Variants in TRAPPC3 observed in about 807,000 individuals in gnomAD.
The protein encoded by TRAPPC3 is trafficking protein particle complex subunit 3, also known as trafficking protein particle complex 3.
A neutral mutation model predicts 18.2 loss-of-function variants in TRAPPC3; 5 were observed. That is an observed-to-expected ratio of 0.28 (90% confidence interval 0.14 to 0.58). TRAPPC3 has a LOEUF of 0.58. Among genes scored for constraint, TRAPPC3 ranks in the 20% least tolerant of loss-of-function variants. The pLI, the probability that TRAPPC3 is intolerant of heterozygous loss-of-function variation, is 0.91. For missense variants in TRAPPC3, 176 were observed against 225.9 expected (o/e 0.78, Z 1.41); for synonymous variants, 65 against 84.2 (o/e 0.77, Z 1.25).
chr1:36,153,003 C>T (rs1338429754), upstream of TRAPPC3, among the ~76,000 whole-genome samples: 1 of 152,164 alleles, frequency 6.6e-6, no homozygotes, highest in Non-Finnish European at 1.5e-5. Context: ...CAGCCCCAGC[C>T]CAACCTTGCG....
chr1:36,149,432 T>G lies in TRAPPC3; in HGVS notation c.-54A>C, dbSNP rs1262395275. On this transcript the variant is annotated 5_prime_UTR_variant, in exon 1 of 5. Coordinates refer to ENST00000373166, the MANE Select transcript of TRAPPC3 (RefSeq NM_014408.5). ...AGCCACGGGTTAGCTCGGCGACCCCTGCAGACGCCGGAGCCTAAGCCGCTG... is the reference window on the plus strand; with the variant it reads ...AGCCACGGGTTAGCTCGGCGACCCCGGCAGACGCCGGAGCCTAAGCCGCTG... 1.2e-6 allele frequency: 2 copies of G among 1,601,830 alleles called. No individual in the cohort carries two copies. Among genetic ancestry groups the G allele is most frequent in the Non-Finnish European group, 1.7e-6 (2 of 1,174,452 alleles).
Position 36,137,173 on chromosome 1 carries a change from C to A in TRAPPC3, c.*30G>T, listed in dbSNP as rs1478881078. On this transcript the variant is annotated 3_prime_UTR_variant, in exon 5 of 5. Coordinates refer to ENST00000373166, the MANE Select transcript of TRAPPC3 (RefSeq NM_014408.5). ...AGGCCTGCTGATTCCAACAGTGCTC[C>A]TGATGGCTATCCTCGAGTTGTAGGG... is the stretch of plus-strand genomic sequence containing the variant. 6.3e-7 allele frequency: 1 copy of A among 1,594,612 alleles called. No individual in the cohort carries two copies. The highest frequency in any genetic ancestry group is 8.6e-7 in the Non-Finnish European group (1 of 1,163,870).
At chr1:36,138,357 C>A in intron 3 of TRAPPC3, 1 of 1,149,464 alleles carries the variant, frequency 8.7e-7, no homozygotes, top group Non-Finnish European at 1.2e-6. Flanking sequence ...CTTCTCTGTC[C>A]TCTGTCTGTG....
intron 1 of TRAPPC3, among the ~76,000 whole-genome samples, chr1:36,143,176 G>A (rs1019472987): frequency 1.3e-5 from 2 of 151,828 alleles, no homozygotes; most frequent in African/African-American, 4.8e-5. Flanking sequence ...TGAAATACAT[G>A]ATTTGCCAGA....
At chr1:36,144,374 G>GTGGCTCA (rs1644163068) in intron 1 of TRAPPC3, among the ~76,000 whole-genome samples, 1 of 151,636 alleles carries the variant, frequency 6.6e-6, no homozygotes, top group Non-Finnish European at 1.5e-5. Flanking sequence ...GCTGGGCATG[G>GTGGCTCA]TGGCTCATGC....
chr1:36,146,053 C>A (rs896952371), intron 1 of TRAPPC3, among the ~76,000 whole-genome samples: 34 of 152,090 alleles, frequency 2.2e-4, no homozygotes, highest in Admixed American at 6.5e-5. Flanking sequence ...GCTGGGATTA[C>A]AGGCGTGAGC....
intron 3 of TRAPPC3, among the ~76,000 whole-genome samples, chr1:36,138,755 G>A (rs1644062434): frequency 6.6e-6 from 1 of 152,104 alleles, no homozygotes; most frequent in African/African-American, 2.4e-5. Context: ...CTGGTGCCGG[G>A]CACAGTGGCT....
rs1175994209 is a variant in TRAPPC3 at position 36,137,998 on chromosome 1, A to G, written c.241-20T>C. 6.2e-7 allele frequency: 1 copy of G among 1,612,516 alleles called. No individual in the cohort carries two copies. The highest frequency in any genetic ancestry group is 1.7e-5 in the Admixed American group (1 of 59,954). On this transcript the variant is annotated intron_variant, in intron 3 of 4. Transcript: ENST00000373166. ...CGCCACCTGTCAGGGGACACACAAC[A>G]GCACTTTGGGGAAGAGCAGCAGGAA... is the stretch of plus-strand genomic sequence containing the variant.
Position 36,137,166 on chromosome 1 carries a change from A to T in TRAPPC3, c.*37T>A, listed in dbSNP as rs756527427. The T allele has an allele frequency of 6.3e-7, 1 of 1,589,874 alleles. No homozygotes were observed. Among genetic ancestry groups the T allele is most frequent in the Non-Finnish European group, 8.6e-7 (1 of 1,160,112 alleles). On this transcript the variant is annotated 3_prime_UTR_variant, in exon 5 of 5. Coordinates refer to ENST00000373166, the MANE Select transcript of TRAPPC3 (RefSeq NM_014408.5). ...AGCACAGAGGCCTGCTGATTCCAACAGTGCTCCTGATGGCTATCCTCGAGT... is the reference window on the plus strand; with the variant it reads ...AGCACAGAGGCCTGCTGATTCCAACTGTGCTCCTGATGGCTATCCTCGAGT...
intron 1 of TRAPPC3, among the ~76,000 whole-genome samples, chr1:36,146,592 TAAAAAAAAAAA>T (rs58611478): frequency 2.4e-5 from 2 of 82,986 alleles, no homozygotes; most frequent in South Asian, 9.0e-4. Context: ...CCTACTTCAT[TAAAAAAAAAAA>T]AAAAAAAAAA....
In TRAPPC3 at chr1:36,141,958, C is replaced by CAAAAAAA. The variant is rs71053907; in HGVS notation, c.43-1799_43-1793dup. On this transcript the variant is annotated intron_variant, in intron 1 of 4. Transcript: ENST00000373166. Reference sequence around the variant, plus strand: ...GGGCAACAGAGCAAGATTCCGTCTCCAAAAAAAAAAAAAAAAAAAAAAAAA... The same window carrying CAAAAAAA: ...GGGCAACAGAGCAAGATTCCGTCTCCAAAAAAAAAAAAAAAAAAAAAAAAAAAAAAAA... Among the ~76,000 whole-genome samples the CAAAAAAA allele has an allele frequency of 1.1e-4, 7 of 64,134 alleles. 1 individual carries two copies. The highest frequency in any genetic ancestry group is 1.7e-4 in the Non-Finnish European group (6 of 34,642). The allele number at this position is 64,134 out of a possible 152,430, so 42.1% of individuals were successfully genotyped here.
intron 1 of TRAPPC3, among the ~76,000 whole-genome samples, chr1:36,146,182 G>A (rs185421935): frequency 8.8e-5 from 13 of 147,680 alleles, no homozygotes; most frequent in African/African-American, 3.3e-4. Context: ...GGGTTCAAGC[G>A]ATTCTCCTGC....
In TRAPPC3 at chr1:36,137,992, C is replaced by T. The variant is rs1250138075; in HGVS notation, c.241-14G>A. ...CTTGAACGCCACCTGTCAGGGGACACACAACAGCACTTTGGGGAAGAGCAG... is the reference window on the plus strand; with the variant it reads ...CTTGAACGCCACCTGTCAGGGGACATACAACAGCACTTTGGGGAAGAGCAG... On this transcript the variant is annotated splice_polypyrimidine_tract_variant and intron_variant, in intron 3 of 4. Coordinates refer to ENST00000373166, the MANE Select transcript of TRAPPC3 (RefSeq NM_014408.5). 1.9e-6 allele frequency: 3 copies of T among 1,612,416 alleles called. No individual in the cohort carries two copies. The highest frequency in any genetic ancestry group is 1.7e-6 in the Non-Finnish European group (2 of 1,178,882).
chr1:36,148,172 G>C (rs191738000), intron 1 of TRAPPC3, among the ~76,000 whole-genome samples: 7 of 152,106 alleles, frequency 4.6e-5, no homozygotes, highest in Admixed American at 6.6e-5. Flanking sequence ...AAATATTCTC[G>C]TCTTTTGGCC....
chr1:36,137,893 T>C lies in TRAPPC3; in HGVS notation c.326A>G (p.Asn109Ser). ...TTCCACAAAGTCCACCAAGGGGTTA[T>C]TTTCCAAAATGAGGGAGAATTCATC... Reference protein sequence around the residue: ...AGDEFSLILENNPLVDFVELP... With the variant: ...AGDEFSLILESNPLVDFVELP... The change falls in exon 4 of 5, where the codon AAT becomes AGT. Residue 109 changes from asparagine (N) to serine (S), a missense_variant. Physicochemically the swap from Asn to Ser is conservative, Grantham distance 46 (BLOSUM62 1). Transcript: ENST00000373166. 6.2e-7 allele frequency: 1 copy of C among 1,614,206 alleles called. No homozygotes were observed. Among genetic ancestry groups the C allele is most frequent in the East Asian group, 2.2e-5 (1 of 44,886 alleles).
chr1:36,148,455 C>T (rs1233143573), intron 1 of TRAPPC3, among the ~76,000 whole-genome samples: 2 of 152,122 alleles, frequency 1.3e-5, no homozygotes, highest in African/African-American at 4.8e-5. Flanking sequence ...ATCAGCCAGG[C>T]GTGGTGGTGG....
intron 3 of TRAPPC3, chr1:36,138,316 G>A: frequency 7.4e-6 from 11 of 1,493,826 alleles, no homozygotes; most frequent in Non-Finnish European, 6.3e-6. Context: ...TTTCGACACG[G>A]TGGCTGCCTG....
At chr1:36,142,492 T>C (rs1644131195) in intron 1 of TRAPPC3, among the ~76,000 whole-genome samples, 1 of 152,158 alleles carries the variant, frequency 6.6e-6, no homozygotes. Context: ...CAAATCATGA[T>C]GTTATCAAGC....
At chr1:36,150,754 GGA>G (rs1271834387), upstream of TRAPPC3, among the ~76,000 whole-genome samples, 1 of 152,240 alleles carries the variant, frequency 6.6e-6, no homozygotes, top group Non-Finnish European at 1.5e-5. Flanking sequence ...CACAGGGGAG[GGA>G]GCCAAGGGCC....
Sources: allele counts gnomAD v4.1 joint callset (sites outside exome capture counted in the v4.1 genomes callset), GRCh38; gene constraint gnomAD v4.1.1; transcripts MANE v1.5; gene names NCBI Gene and HGNC (gene_info 2026-07-23, HGNC 2026-07-21).